Variants in UVRAG observed in about 807,000 individuals in gnomAD.
UVRAG encodes UV radiation resistance associated, also known as UV radiation resistance-associated gene protein.
In UVRAG, 19 loss-of-function variants were observed where a neutral mutation model predicts 78.0. The observed-to-expected ratio is 0.24, with a 90% CI of 0.17 to 0.36. UVRAG has a LOEUF of 0.36. Among genes scored for constraint, UVRAG ranks in the 10% least tolerant of loss-of-function variants. The pLI, the probability that UVRAG is intolerant of heterozygous loss-of-function variation, is 1.00. For synonymous variants in UVRAG, 323 were observed against 324.6 expected (o/e 1.00, Z 0.05); for missense variants, 740 against 853.8 (o/e 0.87, Z 1.66).
chr11:76,001,833 A>G (rs1408551063), intron 8 of UVRAG, among the ~76,000 whole-genome samples: 1 of 152,208 alleles, frequency 6.6e-6, no homozygotes, highest in African/African-American at 2.4e-5. Context: ...TAGTTAATAG[A>G]GAAGATGGGG....
At chr11:76,016,376 T>C (rs1950145250) in intron 11 of UVRAG, among the ~76,000 whole-genome samples, 1 of 152,202 alleles carries the variant, frequency 6.6e-6, no homozygotes, top group South Asian at 2.1e-4. Context: ...AATAATGTTG[T>C]AAAATAGTAC....
At chr11:76,087,761 A>C (rs1025950714) in intron 13 of UVRAG, among the ~76,000 whole-genome samples, 2 of 152,228 alleles carry the variant, frequency 1.3e-5, no homozygotes, top group Non-Finnish European at 2.9e-5. Flanking sequence ...AACTGAGTAA[A>C]GAGGTTTAGT....
chr11:76,075,422 C>G (rs1951386176), intron 13 of UVRAG, among the ~76,000 whole-genome samples: 1 of 151,994 alleles, frequency 6.6e-6, no homozygotes, highest in Non-Finnish European at 1.5e-5. Flanking sequence ...ACCAGCCTGG[C>G]CAACATGGTG....
intron 13 of UVRAG, among the ~76,000 whole-genome samples, chr11:76,089,756 G>T (rs1005997571): frequency 6.6e-6 from 1 of 152,164 alleles, no homozygotes; most frequent in African/African-American, 2.4e-5. Flanking sequence ...TGATAATGTT[G>T]ATGCTTCTTG....
chr11:75,870,068 G>A (rs1481524729), intron 3 of UVRAG, among the ~76,000 whole-genome samples: 1 of 152,060 alleles, frequency 6.6e-6, no homozygotes, highest in African/African-American at 2.4e-5. Flanking sequence ...GTATGTATAG[G>A]TTAAATATAA....
At chr11:75,944,318 A>T (rs546563554) in intron 6 of UVRAG, among the ~76,000 whole-genome samples, 1 of 152,250 alleles carries the variant, frequency 6.6e-6, no homozygotes, top group East Asian at 1.9e-4. Context: ...AAGGGTACTT[A>T]GATTTGTAGA....
intron 1 of UVRAG, among the ~76,000 whole-genome samples, chr11:75,820,866 A>C (rs965256028): frequency 1.9e-4 from 29 of 151,934 alleles, no homozygotes; most frequent in African/African-American, 6.8e-4. Flanking sequence ...GATTGATGTC[A>C]AGGCTGCAGT....
chr11:75,908,540 A>G (rs1347856792), intron 5 of UVRAG, among the ~76,000 whole-genome samples: 1 of 152,088 alleles, frequency 6.6e-6, no homozygotes, highest in Admixed American at 6.6e-5. Flanking sequence ...CATAAAGGAT[A>G]TTGGTCTATA....
chr11:75,937,042 A>T (rs1246668022), intron 6 of UVRAG, among the ~76,000 whole-genome samples: 2 of 152,202 alleles, frequency 1.3e-5, no homozygotes, highest in African/African-American at 4.8e-5. Context: ...ACCAAGCTCC[A>T]GTTAATTAAC....
intron 12 of UVRAG, among the ~76,000 whole-genome samples, chr11:76,044,916 A>C (rs1276228696): frequency 6.6e-6 from 1 of 152,262 alleles, no homozygotes; most frequent in Admixed American, 6.5e-5. Flanking sequence ...TTGACGTAGC[A>C]GACTGGAAAA....
chr11:76,087,089 G>A (rs574323185), intron 13 of UVRAG, among the ~76,000 whole-genome samples: 4 of 152,288 alleles, frequency 2.6e-5, no homozygotes, highest in African/African-American at 9.6e-5. Flanking sequence ...GAGATTTGCT[G>A]CCTATGCAGT....
At position 75,986,976 on chromosome 11, in the gene UVRAG, A is replaced by G. The variant is rs565029296; in HGVS notation, c.826+3463A>G. On this transcript the variant is annotated intron_variant, in intron 8 of 14. Transcript: ENST00000356136. ...CTGAATAATACATTCAGTTATATGGATATGTCACATTTTAAAAATCCACTC... is the reference window on the plus strand; with the variant it reads ...CTGAATAATACATTCAGTTATATGGGTATGTCACATTTTAAAAATCCACTC... 1.0e-3 allele frequency among the ~76,000 whole-genome samples: 155 copies of G among 152,262 alleles called. 2 individuals are homozygous for G. Among genetic ancestry groups the G allele is most frequent in the South Asian group, 2.1e-4 (1 of 4,824 alleles).
In UVRAG at chr11:76,142,519, T is replaced by A. The variant is rs1952740786; in HGVS notation, c.*1106T>A. ...TCGAAGTCCAGTTGTCATTCCCGCATTCAGATTTCATTTGCTGTTGCTTTA... is the reference window on the plus strand; with the variant it reads ...TCGAAGTCCAGTTGTCATTCCCGCAATCAGATTTCATTTGCTGTTGCTTTA... On this transcript the variant is annotated 3_prime_UTR_variant, in exon 15 of 15. Coordinates refer to ENST00000356136, the MANE Select transcript of UVRAG (RefSeq NM_003369.4). 6.5e-6 allele frequency: 1 copy of A among 152,684 alleles called. No homozygotes were observed. 9.5% of individuals were successfully genotyped at this position (152,684 alleles called of 1,614,324 possible).
At chr11:75,928,211 A>G (rs1430793987) in intron 6 of UVRAG, among the ~76,000 whole-genome samples, 1 of 152,228 alleles carries the variant, frequency 6.6e-6, no homozygotes. Context: ...TGAAATAGCC[A>G]TCCCACACTT....
At chr11:76,055,019 C>T (rs1950953017) in intron 12 of UVRAG, among the ~76,000 whole-genome samples, 2 of 152,090 alleles carry the variant, frequency 1.3e-5, no homozygotes, top group South Asian at 4.1e-4. Flanking sequence ...AAATTTCTGA[C>T]CTTTACTTTC....
chr11:76,015,656 A>G (rs1950133716), intron 11 of UVRAG, among the ~76,000 whole-genome samples: 1 of 152,216 alleles, frequency 6.6e-6, no homozygotes, highest in South Asian at 2.1e-4. Context: ...AAGAAAAACA[A>G]ATAGTCTGCT....
intron 5 of UVRAG, chr11:75,911,709 C>A: frequency 3.0e-6 from 1 of 333,772 alleles, no homozygotes; most frequent in Non-Finnish European, 5.5e-6. Context: ...GGACTCAGGG[C>A]TGGGCTGGGC....
intron 6 of UVRAG, among the ~76,000 whole-genome samples, chr11:75,952,314 G>A (rs1948718504): frequency 6.6e-6 from 1 of 152,074 alleles, no homozygotes; most frequent in African/African-American, 2.4e-5. Context: ...TTGAGTATAT[G>A]TGGAATAGAG....
intron 6 of UVRAG, among the ~76,000 whole-genome samples, chr11:75,917,219 A>C (rs915649553): frequency 1.3e-5 from 2 of 152,246 alleles, no homozygotes; most frequent in Non-Finnish European, 2.9e-5. Context: ...GGAGTCAGCT[A>C]CATGTTGATT....
Sources: allele counts gnomAD v4.1 joint callset (sites outside exome capture counted in the v4.1 genomes callset), GRCh38; gene constraint gnomAD v4.1.1; transcripts MANE v1.5; gene names NCBI Gene and HGNC (gene_info 2026-07-23, HGNC 2026-07-21).